Variants in AMOTL1 observed in about 807,000 individuals in gnomAD.
The protein encoded by AMOTL1 is angiomotin like 1.
Under a neutral mutation model 102.9 loss-of-function variants are expected in AMOTL1, and 45 were observed. The observed-to-expected ratio is 0.44, with a 90% CI of 0.34 to 0.56. The LOEUF is 0.56. AMOTL1 is among the 20% of genes least tolerant of loss of function. The probability of loss-of-function intolerance (pLI) is 0.01; values close to 1 mark genes in which losing one functional copy is unlikely to be tolerated. For synonymous variants in AMOTL1, 481 were observed against 484.7 expected, an observed-to-expected ratio of 0.99 and a Z score of 0.10; for missense variants, 1,114 against 1,225.6, an observed-to-expected ratio of 0.91 and a Z score of 1.36.
intron 4 of AMOTL1, among the ~76,000 whole-genome samples, chr11:94,827,833 C>T (rs928900686): frequency 5.2e-4 from 79 of 152,344 alleles, no homozygotes; most frequent in African/African-American, 1.9e-3. Context: ...GTGCTGACCA[C>T]AGTATCTCTC....
rs538558049 is a variant in AMOTL1 at position 94,842,994 on chromosome 11, C to A, written c.1649-7120C>A. Among the ~76,000 whole-genome samples the A allele has an allele frequency of 7.2e-5, 11 of 152,322 alleles. 1 individual carries two copies. The East Asian group carries it at 2.1e-3, about 29-fold the overall frequency. Reference sequence around the variant, plus strand: ...TGTTCCTGTTTGTGAATAGACCCACCTTAACCACCCACTTGCAGCCTATGT... The same window carrying A: ...TGTTCCTGTTTGTGAATAGACCCACATTAACCACCCACTTGCAGCCTATGT... On this transcript the variant is annotated intron_variant, in intron 6 of 12. Coordinates refer to ENST00000433060, the MANE Select transcript of AMOTL1 (RefSeq NM_130847.3).
At chr11:94,829,675 T>G (rs1952036175) in intron 4 of AMOTL1, among the ~76,000 whole-genome samples, 1 of 152,240 alleles carries the variant, frequency 6.6e-6, no homozygotes, top group African/African-American at 2.4e-5. Context: ...CGTTTCTTTT[T>G]TTGTACTTTA....
At chr11:94,840,745 A>T (rs1175656748) in intron 6 of AMOTL1, among the ~76,000 whole-genome samples, 1 of 149,658 alleles carries the variant, frequency 6.7e-6, no homozygotes, top group Non-Finnish European at 1.5e-5. Context: ...CACATATAAT[A>T]ATGCCTTAAT....
At chr11:94,786,193 A>C (rs1027230790) in intron 1 of AMOTL1, among the ~76,000 whole-genome samples, 1 of 152,238 alleles carries the variant, frequency 6.6e-6, no homozygotes, top group Non-Finnish European at 1.5e-5. Flanking sequence ...AATATATATT[A>C]TAATGTTACT....
At chr11:94,757,929 G>GC (rs1316930644) in intron 3 of AMOTL1, among the ~76,000 whole-genome samples, 29 of 152,294 alleles carry the variant, frequency 1.9e-4, no homozygotes, top group African/African-American at 7.0e-4. Flanking sequence ...GAGCATGGTG[G>GC]CGCATGCCTG....
chr11:94,746,384 C>T (rs1339050552), intron 3 of AMOTL1, among the ~76,000 whole-genome samples: 1 of 152,134 alleles, frequency 6.6e-6, no homozygotes, highest in Non-Finnish European at 1.5e-5. Flanking sequence ...GTGACCATGT[C>T]TGCCCTGTGA....
intron 3 of AMOTL1, among the ~76,000 whole-genome samples, chr11:94,755,434 T>A (rs1950710597): frequency 6.6e-6 from 1 of 152,188 alleles, no homozygotes; most frequent in Non-Finnish European, 1.5e-5. Flanking sequence ...GAACATCTTC[T>A]GAGCAGGTGT....
At chr11:94,746,836 C>T (rs757259553) in intron 3 of AMOTL1, among the ~76,000 whole-genome samples, 8 of 152,110 alleles carry the variant, frequency 5.3e-5, no homozygotes, top group African/African-American at 7.2e-5. Flanking sequence ...TGAACAACTG[C>T]GCTACACTGT....
intron 3 of AMOTL1, among the ~76,000 whole-genome samples, chr11:94,754,095 A>C (rs1950691237): frequency 3.3e-5 from 5 of 152,300 alleles, no homozygotes; most frequent in Non-Finnish European, 7.4e-5. Flanking sequence ...GGTTATTGGA[A>C]GGGGTTAAGT....
intron 1 of AMOTL1, among the ~76,000 whole-genome samples, chr11:94,710,170 T>C (rs1420079638): frequency 2.0e-5 from 3 of 152,102 alleles, no homozygotes; most frequent in Non-Finnish European, 4.4e-5. Flanking sequence ...ACATGGAATT[T>C]GTTAGGGGAA....
intron 2 of AMOTL1, among the ~76,000 whole-genome samples, chr11:94,796,381 C>G (rs1233707457): frequency 6.6e-6 from 1 of 152,148 alleles, no homozygotes; most frequent in South Asian, 2.1e-4. Context: ...TGAACGCCTT[C>G]TGTGTATCAG....
At chr11:94,780,320 C>T (rs1050106068) in intron 1 of AMOTL1, among the ~76,000 whole-genome samples, 1 of 152,108 alleles carries the variant, frequency 6.6e-6, no homozygotes, top group Non-Finnish European at 1.5e-5. Context: ...CCAAGGTGGC[C>T]AGGTAAGGAG....
chr11:94,750,049 A>G (rs1473314345), intron 3 of AMOTL1, among the ~76,000 whole-genome samples: 1 of 152,230 alleles, frequency 6.6e-6, no homozygotes, highest in South Asian at 2.1e-4. Flanking sequence ...TGTACTTTAT[A>G]CATATAACCA....
At chr11:94,726,892 A>G (rs1051006424) in intron 1 of AMOTL1, among the ~76,000 whole-genome samples, 1 of 152,184 alleles carries the variant, frequency 6.6e-6, no homozygotes, top group Non-Finnish European at 1.5e-5. Context: ...TTCATTTTAC[A>G]TTTAGTGCTT....
chr11:94,725,233 G>A (rs1010080824), intron 1 of AMOTL1, among the ~76,000 whole-genome samples: 1 of 152,142 alleles, frequency 6.6e-6, no homozygotes, highest in African/African-American at 2.4e-5. Context: ...GTAAGCTGAA[G>A]TGTGAGAAGA....
intron 1 of AMOTL1, among the ~76,000 whole-genome samples, chr11:94,793,757 G>C (rs541453732): frequency 9.8e-5 from 15 of 152,336 alleles, no homozygotes; most frequent in Admixed American, 7.8e-4. Context: ...TCATGCATTG[G>C]AACTGTAGTT....
intron 6 of AMOTL1, among the ~76,000 whole-genome samples, chr11:94,844,554 A>G (rs1398200156): frequency 6.6e-6 from 1 of 152,264 alleles, no homozygotes; most frequent in Non-Finnish European, 1.5e-5. Context: ...GCTGGCACCT[A>G]GTGAGGGCCT....
At position 94,873,812 on chromosome 11, in the gene AMOTL1, C is replaced by T. The variant is rs1015326020; in HGVS notation, c.*3017C>T. On this transcript the variant is annotated 3_prime_UTR_variant, in exon 13 of 13. Transcript: ENST00000433060. ...ACACACACACACACACACACACACA[C>T]AGCTATCACACATCTCAGAGCCTAA... is the stretch of plus-strand genomic sequence containing the variant. 1 of 151,388 alleles carries T rather than the reference C, an allele frequency of 6.6e-6. No individual in the cohort carries two copies. The highest frequency in any genetic ancestry group is 6.6e-5 in the Admixed American group (1 of 15,210). 9.4% of individuals were successfully genotyped at this position (151,388 alleles called of 1,614,324 possible).
chr11:94,720,095 C>A (rs1215784757), intron 1 of AMOTL1, among the ~76,000 whole-genome samples: 2 of 152,090 alleles, frequency 1.3e-5, no homozygotes, highest in African/African-American at 4.8e-5. Flanking sequence ...AATATAATTA[C>A]TTGGGGATGC....
Sources: gnomAD v4.1 joint callset for allele counts (sites outside exome capture counted in the v4.1 genomes callset) on GRCh38, gnomAD v4.1.1 for gene constraint, MANE v1.5 for transcripts, NCBI Gene and HGNC (gene_info 2026-07-23, HGNC 2026-07-21) for gene names.